DACH1: variants seen among roughly 807,000 people sequenced by gnomAD.
DACH1 encodes dachshund homolog 1.
DACH1 carries 12 observed loss-of-function variants against 54.2 expected under a neutral mutation model. That is an observed-to-expected ratio of 0.22 (90% CI 0.14 to 0.36). The LOEUF is 0.36. Among genes scored for constraint, DACH1 ranks in the 10% least tolerant of loss-of-function variants. The probability of loss-of-function intolerance (pLI) is 1.00; values close to 1 mark genes in which losing one functional copy is unlikely to be tolerated. For synonymous variants in DACH1, 386 were observed against 366.2 expected (o/e 1.05, Z -0.62); for missense variants, 805 against 929.8 (o/e 0.87, Z 1.75).
chr13:71,449,680 TTAAAG>T (rs1463226358), intron 10 of DACH1, among the ~76,000 whole-genome samples: 6 of 152,202 alleles, frequency 3.9e-5, no homozygotes, highest in Admixed American at 3.3e-4. Context: ...ATCCCAGAGC[TTAAAG>T]TAAACGAATT....
chr13:71,761,553 ATACT>A (rs1439601842), intron 1 of DACH1, among the ~76,000 whole-genome samples: 3 of 152,196 alleles, frequency 2.0e-5, no homozygotes, highest in African/African-American at 7.2e-5. Flanking sequence ...GGATTCTTAA[ATACT>A]TACTAGCCTT....
At chr13:71,705,050 G>A (rs764284719) in intron 1 of DACH1, among the ~76,000 whole-genome samples, 20 of 152,082 alleles carry the variant, frequency 1.3e-4, no homozygotes, top group Non-Finnish European at 1.2e-4. Flanking sequence ...ACATTTTTAT[G>A]GTAGTGATGT....
intron 1 of DACH1, among the ~76,000 whole-genome samples, chr13:71,808,702 C>T (rs1370231814): frequency 1.3e-5 from 2 of 152,092 alleles, no homozygotes; most frequent in Non-Finnish European, 2.9e-5. Context: ...TTAGTCAATA[C>T]AGTAAGAAGA....
At chr13:71,754,145 T>G (rs928941100) in intron 1 of DACH1, among the ~76,000 whole-genome samples, 9 of 152,174 alleles carry the variant, frequency 5.9e-5, no homozygotes, top group Admixed American at 3.9e-4. Flanking sequence ...AAATATGTAT[T>G]TCCTCAAGCA....
chr13:71,841,280 A>C (rs1872823663), intron 1 of DACH1, among the ~76,000 whole-genome samples: 1 of 152,178 alleles, frequency 6.6e-6, no homozygotes, highest in Admixed American at 6.5e-5. Flanking sequence ...AGAACTTTAA[A>C]AAATAATTAT....
intron 1 of DACH1, among the ~76,000 whole-genome samples, chr13:71,861,829 A>C (rs1206246598): frequency 6.7e-6 from 1 of 149,702 alleles, no homozygotes; most frequent in Non-Finnish European, 1.5e-5. Flanking sequence ...AGTCTGTGTC[A>C]TTGAAAACCA....
intron 2 of DACH1, among the ~76,000 whole-genome samples, chr13:71,653,960 T>A (rs1273456462): frequency 6.6e-6 from 1 of 152,196 alleles, no homozygotes; most frequent in Non-Finnish European, 1.5e-5. Flanking sequence ...TTGCACTGTG[T>A]GCTCAAAACT....
chr13:71,675,449 G>A (rs1418858192), intron 2 of DACH1: 2 of 1,439,772 alleles, frequency 1.4e-6, no homozygotes, highest in African/African-American at 1.4e-5. Flanking sequence ...CAGCTAGCAC[G>A]CCGCATACGT....
intron 1 of DACH1, among the ~76,000 whole-genome samples, chr13:71,849,784 A>G (rs1366894430): frequency 6.6e-6 from 1 of 152,232 alleles, no homozygotes; most frequent in African/African-American, 2.4e-5. Context: ...AAACATTTCC[A>G]GATATCAAAT....
intron 8 of DACH1, among the ~76,000 whole-genome samples, chr13:71,476,704 A>G (rs1233285249): frequency 6.6e-6 from 1 of 152,142 alleles, no homozygotes; most frequent in Non-Finnish European, 1.5e-5. Flanking sequence ...TATATGATAC[A>G]TACTCGATAA....
At chr13:71,677,842 C>G (rs1305565994) in intron 2 of DACH1, among the ~76,000 whole-genome samples, 1 of 152,026 alleles carries the variant, frequency 6.6e-6, no homozygotes, top group African/African-American at 2.4e-5. Flanking sequence ...GCCTCAGCAT[C>G]CCAAATACTT....
chr13:71,865,830 G>T (rs1044830386), intron 1 of DACH1, 92 bp downstream of exon 1: 12 of 1,334,934 alleles, frequency 9.0e-6, no homozygotes, highest in Middle Eastern at 2.6e-4. Context: ...TCGCGGGCGC[G>T]CAGAGCGAGC....
At chr13:71,671,577 C>T (rs1880209215) in intron 2 of DACH1, among the ~76,000 whole-genome samples, 1 of 152,028 alleles carries the variant, frequency 6.6e-6, no homozygotes, top group South Asian at 2.1e-4. Context: ...TCTTCCCCAA[C>T]CTACCTCCCT....
chr13:71,672,047 T>G (rs1880236552), intron 2 of DACH1, among the ~76,000 whole-genome samples: 1 of 152,158 alleles, frequency 6.6e-6, no homozygotes, highest in Admixed American at 6.5e-5. Flanking sequence ...GCTCACAAGT[T>G]TGTCAATGTC....
intron 1 of DACH1, among the ~76,000 whole-genome samples, chr13:71,844,592 C>G (rs766950064): frequency 6.6e-5 from 10 of 151,944 alleles, no homozygotes; most frequent in Non-Finnish European, 1.3e-4. Flanking sequence ...TTTTGTGATT[C>G]AAGACTTTGA....
chr13:71,719,433 C>G (rs775688027), intron 1 of DACH1, among the ~76,000 whole-genome samples: 5 of 152,142 alleles, frequency 3.3e-5, no homozygotes, highest in African/African-American at 1.2e-4. Flanking sequence ...CACATTCTCA[C>G]CAATTTGACT....
chr13:71,719,930 A>G (rs1883149823), intron 1 of DACH1, among the ~76,000 whole-genome samples: 1 of 152,156 alleles, frequency 6.6e-6, no homozygotes, highest in African/African-American at 2.4e-5. Flanking sequence ...AACTGTTTCT[A>G]CTTTTAGTTC....
At chr13:71,482,462 CAT>C (rs1469223060) in intron 7 of DACH1, among the ~76,000 whole-genome samples, 4 of 152,098 alleles carry the variant, frequency 2.6e-5, no homozygotes, top group Non-Finnish European at 2.9e-5. Context: ...CACTGAAACT[CAT>C]GTGATAAAAT....
Position 71,469,521 on chromosome 13 carries a change from G to A in DACH1, c.2083+5620C>T, listed in dbSNP as rs139348246. ...AACAATCCTAATCTAAAAGCAACCA[G>A]GAAGAACAAGATGTGGAAAGCAACT... On this transcript the variant is annotated intron_variant, in intron 10 of 10. Coordinates refer to ENST00000613252, the MANE Select transcript of DACH1 (RefSeq NM_080759.6). Among the ~76,000 whole-genome samples the A allele has an allele frequency of 1.2e-3, 176 of 152,264 alleles. No homozygotes were observed. In the South Asian group the frequency reaches 0.012, roughly 10 times the overall value.
Sources: gnomAD v4.1 joint callset for allele counts (sites outside exome capture counted in the v4.1 genomes callset) on GRCh38, gnomAD v4.1.1 for gene constraint, MANE v1.5 for transcripts, NCBI Gene and HGNC (gene_info 2026-07-23, HGNC 2026-07-21) for gene names.